THRAP3: variants seen among roughly 807,000 people sequenced by gnomAD.
THRAP3 encodes thyroid hormone receptor-associated protein 3.
THRAP3 carries 16 observed loss-of-function variants against 101.0 expected under a neutral mutation model. The observed-to-expected ratio is 0.16, with a 90% CI of 0.11 to 0.24. The LOEUF (loss-of-function observed/expected upper bound fraction) is 0.24. Ranked by LOEUF, THRAP3 falls within the 10% of genes least tolerant of loss-of-function variation. The probability of loss-of-function intolerance (pLI) is 1.00; values close to 1 mark genes in which losing one functional copy is unlikely to be tolerated. For synonymous variants in THRAP3, 407 were observed against 422.6 expected (o/e 0.96, Z 0.45); for missense variants, 989 against 1,202.7 (o/e 0.82, Z 2.63).
intron 2 of THRAP3, among the ~76,000 whole-genome samples, chr1:36,282,205 C>G (rs1192183200): frequency 6.6e-6 from 1 of 151,298 alleles, no homozygotes; most frequent in Non-Finnish European, 1.5e-5. Context: ...GGATTACAGG[C>G]GTGAGCCACC....
chr1:36,212,898 C>CT, the THRAP3 span, among the ~76,000 whole-genome samples: 1 of 152,124 alleles, frequency 6.6e-6, no homozygotes, highest in East Asian at 1.9e-4. Context: ...TGGAGTACTC[C>CT]TAAAAGAAGC....
upstream of THRAP3, among the ~76,000 whole-genome samples, chr1:36,220,998 T>C (rs1420875720): frequency 7.9e-5 from 10 of 126,826 alleles, no homozygotes; most frequent in Non-Finnish European, 1.1e-4. Context: ...TATATATATA[T>C]AGTGAGACCT....
At chr1:36,272,455 T>G (rs576411769) in intron 2 of THRAP3, among the ~76,000 whole-genome samples, 4 of 152,298 alleles carry the variant, frequency 2.6e-5, no homozygotes, top group Admixed American at 6.5e-5. Context: ...ACTCTAGAGA[T>G]ATCACAGCTG....
upstream of THRAP3, among the ~76,000 whole-genome samples, chr1:36,224,025 G>A (rs566575753): frequency 1.3e-5 from 2 of 152,344 alleles, no homozygotes; most frequent in East Asian, 3.9e-4. Flanking sequence ...CAAAGCGGAA[G>A]GGAGCGCAGC....
At chr1:36,292,549 C>T (rs1645889964) in intron 6 of THRAP3, 49 bp from the exon 7 acceptor site, 2 of 1,483,844 alleles carry the variant, frequency 1.3e-6, no homozygotes, top group Non-Finnish European at 9.3e-7. Context: ...GGATTATAGG[C>T]TTGAGCCACC....
chr1:36,231,636 C>T (rs1367003304), intron 1 of THRAP3, among the ~76,000 whole-genome samples: 2 of 152,002 alleles, frequency 1.3e-5, no homozygotes, highest in African/African-American at 4.8e-5. Context: ...ACTCAATTTC[C>T]TTTTTCTCGA....
At chr1:36,227,381 C>T (rs1644974131) in intron 1 of THRAP3, among the ~76,000 whole-genome samples, 1 of 151,762 alleles carries the variant, frequency 6.6e-6, no homozygotes, top group Non-Finnish European at 1.5e-5. Context: ...CCTCCCAGTT[C>T]AAGCGATTCT....
At chr1:36,270,734 C>T (rs527474408) in intron 2 of THRAP3, among the ~76,000 whole-genome samples, 6 of 151,938 alleles carry the variant, frequency 3.9e-5, no homozygotes, top group South Asian at 2.1e-4. Flanking sequence ...TGCCCCACCA[C>T]GCCTAGCGAA....
chr1:36,207,915 C>T, the THRAP3 span, among the ~76,000 whole-genome samples: 2 of 152,166 alleles, frequency 1.3e-5, no homozygotes, highest in Non-Finnish European at 2.9e-5. Flanking sequence ...GCCTCAGCCT[C>T]CTGACTAGCT....
At chr1:36,292,259 TGTTTC>T (rs201878633) in intron 6 of THRAP3, among the ~76,000 whole-genome samples, 1,595 of 39,024 alleles carry the variant, frequency 0.041, 388 homozygotes, top group East Asian at 0.19. Context: ...TGTGTTTCTT[TGTTTC>T]TTTTTTTTTT....
rs369802627 is a variant in THRAP3, at chr1:36,295,010, G to T, written c.2115+1075G>T. Among the ~76,000 whole-genome samples the T allele has an allele frequency of 1.9e-3, 288 of 152,218 alleles. 4 individuals carry two copies. The highest frequency in any genetic ancestry group is 4.6e-3 in the South Asian group (22 of 4,820). ...AGGCCGAGGTGGGTGGATCACCTGA[G>T]GTCGAGAGTTTGACACCAGCCTGAC... On this transcript the variant is annotated intron_variant, in intron 8 of 11. Coordinates refer to ENST00000354618, the MANE Select transcript of THRAP3 (RefSeq NM_005119.4).
At chr1:36,284,741 T>C (rs1478402454) in intron 3 of THRAP3, among the ~76,000 whole-genome samples, 1 of 152,166 alleles carries the variant, frequency 6.6e-6, no homozygotes, top group Non-Finnish European at 1.5e-5. Context: ...CACTAGTAAT[T>C]GGTAACAGAA....
chr1:36,240,683 AT>A (rs919148385), intron 1 of THRAP3, among the ~76,000 whole-genome samples: 12 of 151,522 alleles, frequency 7.9e-5, no homozygotes, highest in African/African-American at 2.4e-4. Context: ...AGCCCTTAAC[AT>A]TTTTTTTGGT....
At chr1:36,290,100 A>G (rs982203842) in intron 5 of THRAP3, among the ~76,000 whole-genome samples, 15 of 152,118 alleles carry the variant, frequency 9.9e-5, no homozygotes, top group Non-Finnish European at 1.5e-5. Flanking sequence ...CTTCGTTCCT[A>G]GCTGGGTTGC....
At chr1:36,237,275 C>A (rs1258129552) in intron 1 of THRAP3, among the ~76,000 whole-genome samples, 1 of 152,014 alleles carries the variant, frequency 6.6e-6, no homozygotes, top group Non-Finnish European at 1.5e-5. Flanking sequence ...CAAGACCATC[C>A]TAGCCAGCAT....
Position 36,304,048 on chromosome 1 carries a change from GGA to G in THRAP3, c.*37_*38del, listed in dbSNP as rs747285622. 5 of 1,472,202 alleles carry G rather than the reference GGA, an allele frequency of 3.4e-6. No individual in the cohort carries two copies. The highest frequency in any genetic ancestry group is 2.8e-5 in the African/African-American group (2 of 70,450). 91.2% of individuals were successfully genotyped at this position (1,472,202 alleles called of 1,614,324 possible). A position where few individuals can be genotyped will look rare whatever the true frequency, so the allele number is the denominator to read the frequency against. On this transcript the variant is annotated 3_prime_UTR_variant, in exon 12 of 12. Coordinates refer to ENST00000354618, the MANE Select transcript of THRAP3 (RefSeq NM_005119.4). ...ACCCTTGACGGGATTCCTGCCCAGG[GGA>G]GAGAGGCGCTGGGAAGATGGCTGGT...
In THRAP3 at chr1:36,303,963, G is replaced by A; in HGVS notation, c.2814G>A (p.Glu938=). 1 of 1,609,376 alleles carries A rather than the reference G, an allele frequency of 6.2e-7. No homozygotes were observed. Among genetic ancestry groups the A allele is most frequent in the Non-Finnish European group, 8.5e-7 (1 of 1,177,766 alleles). Residue 938 remains glutamate, a synonymous_variant, in exon 12 of 12, where the codon GAG becomes GAA. Transcript: ENST00000354618. ...AGGAAGGGGAGATTGAAGACGACGA[G>A]AGTGGGACAGAGAACCGAGAAGAGA... ...SGEEGEIEDD[E]SGTENREEKD...
intron 1 of THRAP3, among the ~76,000 whole-genome samples, chr1:36,246,010 G>C (rs1033117449): frequency 6.6e-6 from 1 of 152,048 alleles, no homozygotes; most frequent in Non-Finnish European, 1.5e-5. Flanking sequence ...ACAATCCTAG[G>C]GGGAGGTATG....
chr1:36,216,351 CT>C, the THRAP3 span, among the ~76,000 whole-genome samples: 5 of 151,722 alleles, frequency 3.3e-5, no homozygotes, highest in Admixed American at 6.6e-5. Context: ...GAAACCCCGT[CT>C]GTACTAAAAA....
Sources: gnomAD v4.1 joint callset for allele counts (sites outside exome capture counted in the v4.1 genomes callset) on GRCh38, gnomAD v4.1.1 for gene constraint, MANE v1.5 for transcripts, NCBI Gene and HGNC (gene_info 2026-07-23, HGNC 2026-07-21) for gene names.